The following CCDC134 variants were observed in gnomAD, a reference collection of about 807,000 sequenced individuals.
CCDC134 encodes coiled-coil domain containing 134, also known as coiled-coil domain-containing protein 134.
In CCDC134, 27 loss-of-function variants were observed where a neutral mutation model predicts 25.6. The observed-to-expected ratio is 1.05, with a 90% CI of 0.78 to 1.45. The LOEUF (loss-of-function observed/expected upper bound fraction) is 1.45. Ranked by LOEUF, CCDC134 falls within the 40% of genes most tolerant of loss-of-function variation. The pLI is 0.00. For synonymous variants in CCDC134, 110 were observed against 115.0 expected (o/e 0.96, Z 0.28); for missense variants, 261 against 286.7 (o/e 0.91, Z 0.65).
At chr22:41,813,066 A>C (rs929907126) in intron 4 of CCDC134, among the ~76,000 whole-genome samples, 198 bp from the exon 5 acceptor site, 8 of 152,210 alleles carry the variant, frequency 5.3e-5, no homozygotes. Context: ...AAAAGTGGTT[A>C]TGAGGACTCA....
In CCDC134 at chr22:41,828,668, A is replaced by G. The variant is rs556634594; in HGVS notation, c.*2845A>G. 1.3e-5 allele frequency among the ~76,000 whole-genome samples: 2 copies of G among 151,768 alleles called. No individual in the cohort carries two copies. The highest frequency in any genetic ancestry group is 1.3e-4 in the Admixed American group (2 of 15,158). ...CTGAGTCTTACTGCAGACAGAGCCC[A>G]CCCCCTGAGCTGTAAAGGCCCTAGG... On this transcript the variant is annotated 3_prime_UTR_variant, in exon 7 of 7. Transcript: ENST00000255784.
intron 1 of CCDC134, among the ~76,000 whole-genome samples, chr22:41,802,696 T>C (rs1401864808): frequency 4.6e-5 from 7 of 151,450 alleles, no homozygotes; most frequent in Admixed American, 4.6e-4. Context: ...AGGCGGATCA[T>C]GAGGTGAGGA....
At chr22:41,805,068 CAAAAT>C (rs1187464703) in intron 1 of CCDC134, among the ~76,000 whole-genome samples, 1 of 150,768 alleles carries the variant, frequency 6.6e-6, no homozygotes, top group Non-Finnish European at 1.5e-5. Flanking sequence ...GACTCTGTCT[CAAAAT>C]AAAAAAAAAA....
chr22:41,821,771 TG>T (rs1028852788), intron 6 of CCDC134, among the ~76,000 whole-genome samples: 13 of 152,096 alleles, frequency 8.5e-5, no homozygotes, highest in African/African-American at 2.9e-4. Context: ...GGGGAAGGCT[TG>T]GCCTTGTACA....
intron 1 of CCDC134, among the ~76,000 whole-genome samples, chr22:41,803,132 T>C (rs1373489888): frequency 3.3e-5 from 5 of 151,772 alleles, no homozygotes; most frequent in Middle Eastern, 3.4e-3. Flanking sequence ...AAAAGTTATC[T>C]GGGCATTGGT....
intron 6 of CCDC134, 39 bp downstream of exon 6, chr22:41,813,861 C>T: frequency 6.3e-7 from 1 of 1,594,008 alleles, no homozygotes; most frequent in Non-Finnish European, 8.6e-7. Context: ...TGCTTTGCCT[C>T]TGCTGGGCCA....
At chr22:41,820,369 G>C (rs547725982) in intron 6 of CCDC134, among the ~76,000 whole-genome samples, 2 of 151,994 alleles carry the variant, frequency 1.3e-5, no homozygotes, top group South Asian at 4.2e-4. Flanking sequence ...GTGCGATCTT[G>C]GCTCACCACA....
intron 4 of CCDC134, among the ~76,000 whole-genome samples, chr22:41,812,614 A>C (rs1288591316): frequency 6.6e-6 from 1 of 152,066 alleles, no homozygotes; most frequent in African/African-American, 2.4e-5. Context: ...CCTGGGCAAC[A>C]AAGTGAGACC....
At chr22:41,820,911 C>G (rs1431406941) in intron 6 of CCDC134, among the ~76,000 whole-genome samples, 2 of 152,118 alleles carry the variant, frequency 1.3e-5, no homozygotes, top group Non-Finnish European at 2.9e-5. Flanking sequence ...AGCCGTGAGA[C>G]AGGACACAGT....
chr22:41,810,306 GC>G lies in CCDC134; in HGVS notation c.310+19del. 2 of 1,609,246 alleles carry G rather than the reference GC, an allele frequency of 1.2e-6. No individual in the cohort carries two copies. The highest frequency in any genetic ancestry group is 1.3e-5 in the African/African-American group (1 of 74,816). ...GCTGAAGGATGGTATGGTCTGCCCT[GC>G]CCCGCCCTGTCCTCCGCACCACCCG... On this transcript the variant is annotated intron_variant, in intron 4 of 6. Coordinates refer to ENST00000255784, the MANE Select transcript of CCDC134 (RefSeq NM_024821.5).
chr22:41,813,652 C>A, intron 5 of CCDC134, 99 bp from the exon 6 acceptor site: 1 of 1,362,728 alleles, frequency 7.3e-7, no homozygotes, highest in Non-Finnish European at 1.0e-6. Context: ...CCCACATCTG[C>A]CCAAGTCAGG....
chr22:41,813,206 C>T, intron 4 of CCDC134, 58 bp from the exon 5 acceptor site: 1 of 1,564,776 alleles, frequency 6.4e-7, no homozygotes, highest in Non-Finnish European at 8.8e-7. Flanking sequence ...ATGCCAGGGG[C>T]CAGTGAGGCA....
rs754685111 is a variant in CCDC134 at position 41,808,987 on chromosome 22, G to T, written c.97G>T (p.Glu33Ter). The T allele has an allele frequency of 1.2e-6, 2 of 1,612,950 alleles. No homozygotes were observed. Among genetic ancestry groups the T allele is most frequent in the South Asian group, 1.1e-5 (1 of 91,048 alleles). The change falls in exon 2 of 7, where the codon GAG becomes TAG. Residue 33 changes from glutamate to a stop codon, truncating the protein, a stop_gained. Coordinates refer to ENST00000255784, the MANE Select transcript of CCDC134 (RefSeq NM_024821.5). LOFTEE classifies it high-confidence loss of function. ...GAGGACCTCCCTGGACCCAAGCCTGGAGATCTGTATCCTTTGGGGTTGTAG... is the reference window on the plus strand; with the variant it reads ...GAGGACCTCCCTGGACCCAAGCCTGTAGATCTGTATCCTTTGGGGTTGTAG... ...TLRTSLDPSL[E>*]IYKKMFEVKR...
intron 1 of CCDC134, among the ~76,000 whole-genome samples, chr22:41,807,433 G>C (rs564871595): frequency 1.3e-5 from 2 of 152,074 alleles, no homozygotes; most frequent in Non-Finnish European, 2.9e-5. Flanking sequence ...ATGGCGGCAT[G>C]CACCTGTAGT....
intron 6 of CCDC134, among the ~76,000 whole-genome samples, chr22:41,824,374 G>T (rs1454406453): frequency 1.3e-5 from 2 of 152,178 alleles, no homozygotes; most frequent in African/African-American, 4.8e-5. Context: ...AGAGAGGCGG[G>T]CGGGGTGGAC....
Position 41,810,300 on chromosome 22 carries a change from T to C in CCDC134, c.310+9T>C, listed in dbSNP as rs750946184. 1 of 1,612,330 alleles carries C rather than the reference T, an allele frequency of 6.2e-7. No homozygotes were observed. The highest frequency in any genetic ancestry group is 8.5e-7 in the Non-Finnish European group (1 of 1,178,708). On this transcript the variant is annotated intron_variant, in intron 4 of 6. Transcript: ENST00000255784. Reference sequence around the variant, plus strand: ...CGAGAAGCTGAAGGATGGTATGGTCTGCCCTGCCCCGCCCTGTCCTCCGCA... The same window carrying C: ...CGAGAAGCTGAAGGATGGTATGGTCCGCCCTGCCCCGCCCTGTCCTCCGCA...
chr22:41,807,376 A>G (rs1392787174), intron 1 of CCDC134, among the ~76,000 whole-genome samples: 3 of 152,128 alleles, frequency 2.0e-5, no homozygotes, highest in Non-Finnish European at 2.9e-5. Flanking sequence ...TAGCCTGGGC[A>G]ATGTAGCAAA....
At chr22:41,808,028 C>T (rs1463341055) in intron 1 of CCDC134, among the ~76,000 whole-genome samples, 4 of 151,840 alleles carry the variant, frequency 2.6e-5, no homozygotes, top group African/African-American at 7.3e-5. Context: ...GGCATGGTGG[C>T]GCATGCGTGT....
intron 1 of CCDC134, among the ~76,000 whole-genome samples, chr22:41,803,268 A>T (rs147368801): frequency 0.011 from 1,625 of 152,058 alleles, 13 homozygotes; most frequent in Non-Finnish European, 0.016. Context: ...GCCTCAAAAA[A>T]CCCCAAATAC....
Sources: allele counts gnomAD v4.1 joint callset (sites outside exome capture counted in the v4.1 genomes callset), GRCh38; gene constraint gnomAD v4.1.1; transcripts MANE v1.5; gene names NCBI Gene and HGNC (gene_info 2026-07-23, HGNC 2026-07-21).